The following TENT2 variants were observed in gnomAD, a reference collection of about 807,000 sequenced individuals.
TENT2 encodes the protein poly(A) RNA polymerase GLD2.
TENT2 carries 44 observed loss-of-function variants against 72.2 expected under a neutral mutation model. That is an observed-to-expected ratio of 0.61 (90% CI 0.48 to 0.78). The LOEUF (loss-of-function observed/expected upper bound fraction) is 0.78. TENT2 is among the 30% of genes least tolerant of loss of function. The pLI is 0.00. For synonymous variants in TENT2, 212 were observed against 192.5 expected (o/e 1.10, Z -0.84); for missense variants, 541 against 569.6 (o/e 0.95, Z 0.51).
intron 11 of TENT2, among the ~76,000 whole-genome samples, chr5:79,666,369 T>C (rs547500986): frequency 6.6e-6 from 1 of 151,508 alleles, no homozygotes; most frequent in Admixed American, 6.6e-5. Flanking sequence ...GGGATGTCTT[T>C]TCTTTCTTTT....
At chr5:79,616,305 T>G (rs1759994279) in intron 1 of TENT2, among the ~76,000 whole-genome samples, 1 of 150,558 alleles carries the variant, frequency 6.6e-6, no homozygotes, top group African/African-American at 2.5e-5. Flanking sequence ...TACAAGCGAT[T>G]CTCCTGTCCC....
At chr5:79,681,649 C>T (rs79650322) in intron 13 of TENT2, 5,364 of 171,100 alleles carry the variant, frequency 0.031, 119 homozygotes, top group Non-Finnish European at 0.049. Flanking sequence ...TTTTTGATGA[C>T]TTTTTATTAT....
At chr5:79,630,659 T>C (rs1774624974) in intron 4 of TENT2, among the ~76,000 whole-genome samples, 1 of 151,612 alleles carries the variant, frequency 6.6e-6, no homozygotes, top group Non-Finnish European at 1.5e-5. Context: ...GAGAATGGAG[T>C]GTACAAATAA....
intron 12 of TENT2, among the ~76,000 whole-genome samples, chr5:79,674,271 A>G (rs1184225659): frequency 6.6e-6 from 1 of 152,142 alleles, no homozygotes; most frequent in Non-Finnish European, 1.5e-5. Context: ...AATCCCAGCT[A>G]CTCACGAGGC....
At chr5:79,681,129 ACTT>A (rs1228351859) in intron 13 of TENT2, among the ~76,000 whole-genome samples, 8 of 98,380 alleles carry the variant, frequency 8.1e-5, no homozygotes, top group African/African-American at 1.6e-4. Flanking sequence ...CATGCAAGTT[ACTT>A]CTTTTTTCTT....
intron 11 of TENT2, among the ~76,000 whole-genome samples, chr5:79,657,548 A>G (rs1187836100): frequency 6.6e-6 from 1 of 152,046 alleles, no homozygotes; most frequent in African/African-American, 2.4e-5. Context: ...CATTCAAGAA[A>G]TGAAGTGTGG....
chr5:79,680,580 T>C (rs1820876867), intron 13 of TENT2, among the ~76,000 whole-genome samples: 1 of 152,132 alleles, frequency 6.6e-6, no homozygotes, highest in African/African-American at 2.4e-5. Context: ...CCTGTGTAGA[T>C]TATATGACAA....
At chr5:79,628,227 C>A (rs1333341431) in intron 4 of TENT2, among the ~76,000 whole-genome samples, 1 of 152,202 alleles carries the variant, frequency 6.6e-6, no homozygotes, top group African/African-American at 2.4e-5. Flanking sequence ...CCTCTGTTTA[C>A]TTCTGTAGAG....
intron 11 of TENT2, among the ~76,000 whole-genome samples, chr5:79,664,744 C>T (rs1340896094): frequency 6.6e-6 from 1 of 151,948 alleles, no homozygotes. Flanking sequence ...CAGGAGGTAA[C>T]CACACTGTAT....
At chr5:79,656,848 A>T in intron 10 of TENT2, 110 bp from the exon 11 acceptor site, 1 of 645,722 alleles carries the variant, frequency 1.5e-6, no homozygotes, top group Non-Finnish European at 2.6e-6. Context: ...AAATTGTTGA[A>T]TTTTAGCATA....
rs371560519 is a variant in TENT2 at position 79,668,990 on chromosome 5, C to G, written c.1170C>G (p.Leu390=). The part of the protein sequence containing the change: ...LSKNESNLGD[L]LLGFLKYYAT... Reference sequence around the variant, plus strand: ...AGAATGAATCAAACCTTGGGGACCTCTTACTGGGCTTTCTTAAATATTATG... The same window carrying G: ...AGAATGAATCAAACCTTGGGGACCTGTTACTGGGCTTTCTTAAATATTATG... Residue 390 remains leucine, a synonymous_variant, in exon 12 of 15, where the codon CTC becomes CTG. Coordinates refer to ENST00000453514, the MANE Select transcript of TENT2 (RefSeq NM_001114394.3). 22 of 1,613,696 alleles carry G rather than the reference C, an allele frequency of 1.4e-5. No homozygotes were observed. In the African/African-American group the frequency reaches 2.4e-4, roughly 18 times the overall value.
chr5:79,636,712 CT>C (rs1780405706), intron 4 of TENT2, among the ~76,000 whole-genome samples: 1 of 152,078 alleles, frequency 6.6e-6, no homozygotes, highest in Non-Finnish European at 1.5e-5. Flanking sequence ...TGACAATAGT[CT>C]TTTGATCCAT....
chr5:79,642,955 T>G (rs1785607333), intron 7 of TENT2, 45 bp downstream of exon 7: 2 of 1,595,930 alleles, frequency 1.3e-6, no homozygotes, highest in African/African-American at 2.7e-5. Context: ...TGACGTAACT[T>G]TACTTAAAAT....
intron 4 of TENT2, among the ~76,000 whole-genome samples, chr5:79,637,286 G>A (rs750870778): frequency 6.6e-5 from 10 of 152,110 alleles, no homozygotes; most frequent in Non-Finnish European, 1.5e-4. Context: ...TACTTTGTAT[G>A]GGAATTGATT....
intron 8 of TENT2, among the ~76,000 whole-genome samples, chr5:79,647,825 G>C (rs6859704): frequency 0.21 from 31,457 of 151,800 alleles, 4,685 homozygotes; most frequent in African/African-American, 0.42. Flanking sequence ...CATTATTGCC[G>C]TATTTTCTAA....
chr5:79,629,399 A>G (rs1773199913), intron 4 of TENT2, among the ~76,000 whole-genome samples: 1 of 152,212 alleles, frequency 6.6e-6, no homozygotes, highest in African/African-American at 2.4e-5. Flanking sequence ...AACACCCTAG[A>G]GTAGATAAGA....
chr5:79,620,111 A>G (rs1183838453), intron 3 of TENT2, 28 bp downstream of exon 3: 3 of 1,467,238 alleles, frequency 2.0e-6, no homozygotes, highest in Non-Finnish European at 2.8e-6. Flanking sequence ...ATTTTAAAAG[A>G]ATATTTTTGC....
At chr5:79,652,814 A>G (rs1795165599) in intron 10 of TENT2, among the ~76,000 whole-genome samples, 1 of 152,130 alleles carries the variant, frequency 6.6e-6, no homozygotes, top group African/African-American at 2.4e-5. Flanking sequence ...TACAAAATAT[A>G]TGTCAATCTT....
intron 2 of TENT2, 55 bp from the exon 3 acceptor site, chr5:79,619,939 T>C (rs2149909555): frequency 6.8e-7 from 1 of 1,475,200 alleles, no homozygotes; most frequent in Non-Finnish European, 9.2e-7. Flanking sequence ...AGACTGGTTT[T>C]GTTTTTAAAG....
Sources: allele counts gnomAD v4.1 joint callset (sites outside exome capture counted in the v4.1 genomes callset), GRCh38; gene constraint gnomAD v4.1.1; transcripts MANE v1.5; gene names NCBI Gene and HGNC (gene_info 2026-07-23, HGNC 2026-07-21).